The following LRRC4C variants were observed in gnomAD, a reference collection of about 807,000 sequenced individuals.
LRRC4C encodes leucine rich repeat containing 4C.
LRRC4C carries 5 observed loss-of-function variants against 33.6 expected under a neutral mutation model. The observed-to-expected ratio is 0.15, with a 90% CI of 0.08 to 0.31. LRRC4C has a LOEUF of 0.31. LRRC4C is among the 10% of genes least tolerant of loss of function. The pLI, the probability that LRRC4C is intolerant of heterozygous loss-of-function variation, is 1.00. For missense variants in LRRC4C, 560 were observed against 796.7 expected (o/e 0.70, Z 3.58); for synonymous variants, 329 against 302.0 (o/e 1.09, Z -0.93).
rs114400203 is a variant in LRRC4C at position 41,202,106 on chromosome 11, G to A, written c.-496+257325C>T. 7.6e-3 allele frequency among the ~76,000 whole-genome samples: 1,156 copies of A among 152,112 alleles called. 24 individuals are homozygous for A. The highest frequency in any genetic ancestry group is 0.027 in the African/African-American group (1,113 of 41,484). On this transcript the variant is annotated intron_variant, in intron 1 of 6. Coordinates refer to ENST00000528697, the MANE Select transcript of LRRC4C (RefSeq NM_001258419.2). The stretch of plus-strand genomic sequence containing the variant: ...TTATTGATGTCCTCTTTGGAACACC[G>A]GCTCTTCCTTGACTGGACAATGTCC...
intron 1 of LRRC4C, among the ~76,000 whole-genome samples, chr11:41,336,047 T>C (rs1951441633): frequency 6.6e-6 from 1 of 152,228 alleles, no homozygotes. Flanking sequence ...TGTATTTTCC[T>C]ATCTGGCATC....
intron 1 of LRRC4C, among the ~76,000 whole-genome samples, chr11:41,071,790 T>C (rs1272990497): frequency 6.6e-6 from 1 of 152,222 alleles, no homozygotes; most frequent in African/African-American, 2.4e-5. Flanking sequence ...AATTGAAAAC[T>C]TCCTGGAAAG....
intron 1 of LRRC4C, among the ~76,000 whole-genome samples, chr11:41,305,294 C>T (rs1950463980): frequency 1.9e-5 from 1 of 52,116 alleles, no homozygotes; most frequent in African/African-American, 4.3e-5. Context: ...GGTCAGCCCC[C>T]CTGCCCGGCC....
chr11:41,396,268 C>G (rs1953809073), intron 1 of LRRC4C, among the ~76,000 whole-genome samples: 1 of 151,978 alleles, frequency 6.6e-6, no homozygotes, highest in Non-Finnish European at 1.5e-5. Flanking sequence ...GGTCTAAAAA[C>G]AAGAAGTTGT....
intron 1 of LRRC4C, among the ~76,000 whole-genome samples, chr11:41,113,786 G>T (rs1941973805): frequency 6.7e-6 from 1 of 148,816 alleles, no homozygotes; most frequent in Non-Finnish European, 1.5e-5. Flanking sequence ...TGTTTCATGA[G>T]TTTTTTTTTT....
chr11:40,694,517 A>G (rs1271752983), intron 2 of LRRC4C, among the ~76,000 whole-genome samples: 2 of 152,074 alleles, frequency 1.3e-5, no homozygotes, highest in Admixed American at 1.3e-4. Flanking sequence ...TAGCAGCTAA[A>G]TGCTGTTTTT....
intron 4 of LRRC4C, among the ~76,000 whole-genome samples, chr11:40,290,181 C>A (rs1407384282): frequency 2.6e-5 from 4 of 152,192 alleles, no homozygotes; most frequent in African/African-American, 9.6e-5. Flanking sequence ...CTCTTACTTT[C>A]TTTGTCATTG....
In LRRC4C at chr11:40,578,988, G is replaced by A. The variant is rs75120357; in HGVS notation, c.-270+69154C>T. The stretch of plus-strand genomic sequence containing the variant: ...TTCCTTAGATAACTCTTAAAAATAT[G>A]TGATAGTTTGGGATTCACTGACTTT... On this transcript the variant is annotated intron_variant, in intron 3 of 6. Transcript: ENST00000528697. Among the ~76,000 whole-genome samples, 950 of 152,284 alleles carry A rather than the reference G, an allele frequency of 6.2e-3. 16 individuals are homozygous for A. The highest frequency in any genetic ancestry group is 0.022 in the African/African-American group (909 of 41,540).
intron 1 of LRRC4C, among the ~76,000 whole-genome samples, chr11:41,302,413 G>A (rs1332760470): frequency 6.6e-6 from 1 of 152,156 alleles, no homozygotes; most frequent in Non-Finnish European, 1.5e-5. Flanking sequence ...GTCTAATTAG[G>A]TAGTGATCTC....
chr11:40,188,803 C>T (rs1320693234), intron 5 of LRRC4C, among the ~76,000 whole-genome samples: 1 of 138,354 alleles, frequency 7.2e-6, no homozygotes, highest in African/African-American at 2.5e-5. Flanking sequence ...TTAAAGTAGA[C>T]CTTGATGACA....
rs1015737866 is a variant in LRRC4C at position 40,278,385 on chromosome 11, T to C, written c.-175-36787A>G. On this transcript the variant is annotated intron_variant, in intron 4 of 6. Transcript: ENST00000528697. ...TCAAAGCTAGATTTAAACACATCTA[T>C]GGCCGGGACAAGTGACCAGGAGTGT... Among the ~76,000 whole-genome samples, 6 of 152,316 alleles carry C rather than the reference T, an allele frequency of 3.9e-5. No individual in the cohort carries two copies. The East Asian group carries it at 9.7e-4, about 25-fold the overall frequency.
intron 3 of LRRC4C, among the ~76,000 whole-genome samples, chr11:40,417,446 C>T (rs11035828): frequency 0.35 from 52,504 of 151,730 alleles, 10,027 homozygotes; most frequent in South Asian, 0.46. Context: ...ATTCTCCTGC[C>T]TCAGCCTCCC....
At chr11:40,397,727 C>A (rs1949599028) in intron 3 of LRRC4C, among the ~76,000 whole-genome samples, 1 of 151,900 alleles carries the variant, frequency 6.6e-6, no homozygotes, top group African/African-American at 2.4e-5. Context: ...TAGCAGTAGG[C>A]TGAAAATGAG....
chr11:40,502,221 C>T (rs1255878321), intron 3 of LRRC4C, among the ~76,000 whole-genome samples: 2 of 152,280 alleles, frequency 1.3e-5, no homozygotes, highest in Non-Finnish European at 2.9e-5. Context: ...TAGGAAGTTC[C>T]AAATTTTCCC....
intron 2 of LRRC4C, among the ~76,000 whole-genome samples, chr11:40,867,911 C>T (rs868278227): frequency 5.3e-5 from 8 of 152,194 alleles, no homozygotes; most frequent in East Asian, 1.9e-4. Flanking sequence ...ACAAGGGAAA[C>T]GGTTTGGTGA....
At chr11:41,368,478 A>T (rs1952624785) in intron 1 of LRRC4C, among the ~76,000 whole-genome samples, 2 of 152,256 alleles carry the variant, frequency 1.3e-5, no homozygotes, top group Admixed American at 1.3e-4. Flanking sequence ...AAAATAACTG[A>T]GTCCTTATTA....
chr11:40,383,700 A>AT (rs1184325000), intron 3 of LRRC4C, among the ~76,000 whole-genome samples: 2 of 151,242 alleles, frequency 1.3e-5, no homozygotes, highest in Non-Finnish European at 2.9e-5. Flanking sequence ...TTATTTATTT[A>AT]TTTTTTTAAT....
Position 40,341,386 on chromosome 11 carries a change from G to T in LRRC4C, c.-269-21665C>A, listed in dbSNP as rs992073033. ...GTGAATAGTGCCACAATAAACATAC[G>T]TGTGCATGTGTCTTTATAGCAGCAT... On this transcript the variant is annotated intron_variant, in intron 3 of 6. Transcript: ENST00000528697. Among the ~76,000 whole-genome samples, 7 of 152,112 alleles carry T rather than the reference G, an allele frequency of 4.6e-5. No homozygotes were observed. In the East Asian group the frequency reaches 1.4e-3, roughly 29 times the overall value.
chr11:41,276,592 G>T (rs186899234), intron 1 of LRRC4C, among the ~76,000 whole-genome samples: 3 of 152,042 alleles, frequency 2.0e-5, no homozygotes, highest in Non-Finnish European at 2.9e-5. Flanking sequence ...TAGATAGTAC[G>T]TAGGCAAAAT....
Sources: gnomAD v4.1 joint callset for allele counts (sites outside exome capture counted in the v4.1 genomes callset) on GRCh38, gnomAD v4.1.1 for gene constraint, MANE v1.5 for transcripts, NCBI Gene and HGNC (gene_info 2026-07-23, HGNC 2026-07-21) for gene names.